NKAIN3: variants seen among roughly 807,000 people sequenced by gnomAD.
NKAIN3 encodes sodium/potassium-transporting ATPase subunit beta-1-interacting protein 3.
Under a neutral mutation model 30.2 loss-of-function variants are expected in NKAIN3, and 25 were observed. The ratio of observed to expected loss-of-function variants is 0.83; its 90% CI spans 0.60 to 1.16. The LOEUF (loss-of-function observed/expected upper bound fraction) is 1.16, where lower values mean the gene tolerates loss of function less well. Among genes scored for constraint, NKAIN3 ranks in the 50% most tolerant of loss-of-function variants. The probability of loss-of-function intolerance (pLI) is 0.00; values close to 1 mark genes in which losing one functional copy is unlikely to be tolerated. For synonymous variants in NKAIN3, 91 were observed against 89.6 expected, an observed-to-expected ratio of 1.02 and a Z score of -0.09; for missense variants, 225 against 254.1, an observed-to-expected ratio of 0.89 and a Z score of 0.78.
chr8:62,546,177 A>G (rs1293164319), intron 1 of NKAIN3, among the ~76,000 whole-genome samples: 1 of 152,164 alleles, frequency 6.6e-6, no homozygotes, highest in Non-Finnish European at 1.5e-5. Context: ...ACCTTTGTCT[A>G]CAATAGGTTA....
intron 1 of NKAIN3, among the ~76,000 whole-genome samples, chr8:62,306,577 T>TGTGTGTGTGTGTGTGTGTTG (rs369616688): frequency 4.8e-5 from 6 of 123,774 alleles, no homozygotes; most frequent in African/African-American, 1.9e-4. Context: ...TGTGTGTGTG[T>TGTGTGTGTGTGTGTGTGTTG]TGTGTGTGTG....
intron 1 of NKAIN3, among the ~76,000 whole-genome samples, chr8:62,465,537 G>A (rs887885501): frequency 3.3e-5 from 5 of 152,088 alleles, no homozygotes; most frequent in East Asian, 1.9e-4. Flanking sequence ...TGACCTCTAC[G>A]TACATTGATA....
chr8:62,798,702 G>C (rs1817952664), intron 4 of NKAIN3, among the ~76,000 whole-genome samples: 1 of 152,150 alleles, frequency 6.6e-6, no homozygotes, highest in South Asian at 2.1e-4. Context: ...CAGACTTCTG[G>C]CTTGCAGAAC....
At chr8:62,693,568 A>T (rs1212118562) in intron 3 of NKAIN3, among the ~76,000 whole-genome samples, 1 of 152,232 alleles carries the variant, frequency 6.6e-6, no homozygotes, top group African/African-American at 2.4e-5. Context: ...CTGAAATTTC[A>T]TAAGTTCTGC....
At chr8:62,395,759 A>C (rs1021590878) in intron 1 of NKAIN3, among the ~76,000 whole-genome samples, 7 of 152,204 alleles carry the variant, frequency 4.6e-5, no homozygotes, top group South Asian at 2.1e-4. Flanking sequence ...GCTTCTCTGA[A>C]GTGATAAGTA....
chr8:62,332,903 G>C (rs1253519349), intron 1 of NKAIN3, among the ~76,000 whole-genome samples: 5 of 152,044 alleles, frequency 3.3e-5, no homozygotes, highest in African/African-American at 1.2e-4. Context: ...GGCATGGCCT[G>C]TAGTCCCAGC....
rs149204960 is a variant in NKAIN3, at chr8:62,997,537, G to A, written c.533-1694G>A. Reference sequence around the variant, plus strand: ...TCATGATTCACTTGAGGGTCACCTTGGTAGTAGTGAGATGTAATGGAGTGA... The same window carrying A: ...TCATGATTCACTTGAGGGTCACCTTAGTAGTAGTGAGATGTAATGGAGTGA... On this transcript the variant is annotated intron_variant, in intron 5 of 5. Coordinates refer to the NKAIN3 transcript ENST00000519049. Among the ~76,000 whole-genome samples the A allele has an allele frequency of 7.9e-5, 12 of 152,260 alleles. No homozygotes were observed. In the East Asian group the frequency reaches 2.3e-3, roughly 29 times the overall value.
At chr8:62,701,846 C>T (rs945292413) in intron 3 of NKAIN3, among the ~76,000 whole-genome samples, 2 of 152,160 alleles carry the variant, frequency 1.3e-5, no homozygotes, top group Non-Finnish European at 2.9e-5. Context: ...CCATTTGGAA[C>T]TGACATTTCT....
chr8:62,748,599 A>G (rs529444108), intron 4 of NKAIN3, among the ~76,000 whole-genome samples: 3 of 152,314 alleles, frequency 2.0e-5, no homozygotes, highest in South Asian at 2.1e-4. Flanking sequence ...ACTATTTACT[A>G]TTCTTGAATT....
chr8:62,459,602 A>C (rs1054159534), intron 1 of NKAIN3, among the ~76,000 whole-genome samples: 1 of 152,236 alleles, frequency 6.6e-6, no homozygotes, highest in African/African-American at 2.4e-5. Context: ...ATGGAAAACA[A>C]AGCAGAGTAC....
At chr8:62,954,848 A>T (rs942560862) in intron 6 of NKAIN3, among the ~76,000 whole-genome samples, 1 of 152,220 alleles carries the variant, frequency 6.6e-6, no homozygotes, top group African/African-American at 2.4e-5. Context: ...TCAAAGTCCC[A>T]CTATTAGTAA....
In NKAIN3 at chr8:62,968,525, G is replaced by T. The variant is rs1563649638; in HGVS notation, c.*3118G>T. Among the ~76,000 whole-genome samples the T allele has an allele frequency of 6.6e-6, 1 of 152,172 alleles. No individual in the cohort carries two copies. Among genetic ancestry groups the T allele is most frequent in the Non-Finnish European group, 1.5e-5 (1 of 68,040 alleles). ...TGCATCCCTTAGCTTGCATTCATTG[G>T]TCAGAATCTTAACTATCTTAAGAGA... On this transcript the variant is annotated 3_prime_UTR_variant, in exon 7 of 7. Transcript: ENST00000623646.
At chr8:62,764,474 A>AT (rs11400398) in intron 4 of NKAIN3, among the ~76,000 whole-genome samples, 80,390 of 150,832 alleles carry the variant, frequency 0.53, 23,464 homozygotes, top group Non-Finnish European at 0.67. Flanking sequence ...ACAAATAAGT[A>AT]TTTTTTTTTG....
rs1823738968 is a variant in NKAIN3, at chr8:62,967,463, A to G, written c.*2056A>G. On this transcript the variant is annotated 3_prime_UTR_variant, in exon 7 of 7. Transcript: ENST00000623646. ...ACAATTAAAGGAGGTGATTATTATTAATAATGTCAAAACACTCCTCTGTAC... is the reference window on the plus strand; with the variant it reads ...ACAATTAAAGGAGGTGATTATTATTGATAATGTCAAAACACTCCTCTGTAC... Among the ~76,000 whole-genome samples, 1 of 152,072 alleles carries G rather than the reference A, an allele frequency of 6.6e-6. No individual in the cohort carries two copies. Among genetic ancestry groups the G allele is most frequent in the South Asian group, 2.1e-4 (1 of 4,824 alleles).
intron 4 of NKAIN3, among the ~76,000 whole-genome samples, chr8:62,844,013 T>A (rs534285026): frequency 6.6e-6 from 1 of 152,096 alleles, no homozygotes; most frequent in Non-Finnish European, 1.5e-5. Context: ...GAATCCTAAA[T>A]CCGATAACTA....
chr8:62,916,543 C>T (rs141860949), intron 4 of NKAIN3, among the ~76,000 whole-genome samples: 174 of 152,230 alleles, frequency 1.1e-3, no homozygotes, highest in African/African-American at 3.9e-3. Flanking sequence ...GTACACATTA[C>T]GGCTTTGTTC....
intron 1 of NKAIN3, among the ~76,000 whole-genome samples, chr8:62,316,254 C>T (rs79923503): frequency 0.034 from 5,109 of 151,966 alleles, 314 homozygotes; most frequent in African/African-American, 0.12. Context: ...AATACAGTAA[C>T]GAAGGAAATG....
Position 62,936,688 on chromosome 8 carries a change from G to A in NKAIN3, c.533-17214G>A, listed in dbSNP as rs1202304083. Among the ~76,000 whole-genome samples, 4 of 152,136 alleles carry A rather than the reference G, an allele frequency of 2.6e-5. No individual in the cohort carries two copies. The South Asian group carries it at 8.3e-4, about 32-fold the overall frequency. On this transcript the variant is annotated intron_variant, in intron 5 of 6. Transcript: ENST00000623646. Reference sequence around the variant, plus strand: ...CTTTAATGTCCCTAAACAAACTTTAGTAGTTACAATTTTAAACCATTCCAT... The same window carrying A: ...CTTTAATGTCCCTAAACAAACTTTAATAGTTACAATTTTAAACCATTCCAT...
At chr8:62,607,231 T>C (rs1308258435) in intron 3 of NKAIN3, among the ~76,000 whole-genome samples, 5 of 152,158 alleles carry the variant, frequency 3.3e-5, no homozygotes, top group Non-Finnish European at 7.4e-5. Context: ...AATGTCAATC[T>C]GGAAAGCTGT....
Sources: gnomAD v4.1 joint callset for allele counts (sites outside exome capture counted in the v4.1 genomes callset) on GRCh38, gnomAD v4.1.1 for gene constraint, MANE v1.5 for transcripts, NCBI Gene and HGNC (gene_info 2026-07-23, HGNC 2026-07-21) for gene names.